The following STOX1 variants were observed in gnomAD, a reference collection of about 807,000 sequenced individuals.
The protein encoded by STOX1 is storkhead box 1.
In STOX1, 57 loss-of-function variants were observed where a neutral mutation model predicts 74.8. That is an observed-to-expected ratio of 0.76 (90% CI 0.62 to 0.95). The LOEUF is 0.95. Ranked by LOEUF, STOX1 falls within the 40% of genes least tolerant of loss-of-function variation. The pLI, the probability that STOX1 is intolerant of heterozygous loss-of-function variation, is 0.00. For missense variants in STOX1, 1,010 were observed against 1,117.0 expected (o/e 0.90, Z 1.37); for synonymous variants, 375 against 401.3 (o/e 0.93, Z 0.78).
intron 1 of STOX1, among the ~76,000 whole-genome samples, chr10:68,852,340 G>C (rs1257613001): frequency 7.2e-6 from 1 of 138,520 alleles, no homozygotes; most frequent in East Asian, 2.4e-4. Flanking sequence ...CTCACTGCAA[G>C]CTCCGCTTCC....
rs768981431 is a variant in STOX1 at position 68,886,365 on chromosome 10, T to A, written c.2569T>A (p.Tyr857Asn). Reference protein sequence around the residue: ...SAPADERIFDYYSARKASFEA... With the variant: ...SAPADERIFDNYSARKASFEA... ...ACCTGCTGATGAAAGAATCTTTGAT[T>A]ACTATAGCGCAAGAAAAGCCAGTTT... is the stretch of plus-strand genomic sequence containing the variant. The change falls in exon 3 of 4, where the codon TAC (tyrosine) becomes AAC (asparagine). Residue 857 changes from tyrosine to asparagine, a missense_variant. Coordinates refer to ENST00000298596, the MANE Select transcript of STOX1 (RefSeq NM_152709.5). 6.2e-7 allele frequency: 1 copy of A among 1,614,140 alleles called. No homozygotes were observed. Among genetic ancestry groups the A allele is most frequent in the South Asian group, 1.1e-5 (1 of 91,082 alleles).
chr10:68,887,713 C>T (rs867618615), intron 3 of STOX1, among the ~76,000 whole-genome samples: 8 of 150,910 alleles, frequency 5.3e-5, no homozygotes, highest in African/African-American at 7.3e-5. Flanking sequence ...CCCACTTTAG[C>T]CTCCCAAGTA....
intron 1 of STOX1, among the ~76,000 whole-genome samples, chr10:68,851,469 C>G (rs1839982175): frequency 6.6e-6 from 1 of 151,942 alleles, no homozygotes; most frequent in Non-Finnish European, 1.5e-5. Flanking sequence ...GATGGATATC[C>G]TAATTACCCT....
intron 1 of STOX1, among the ~76,000 whole-genome samples, chr10:68,858,265 C>T (rs1323708168): frequency 1.3e-5 from 2 of 152,056 alleles, no homozygotes; most frequent in East Asian, 3.9e-4. Flanking sequence ...GACCCTCCCA[C>T]GTAGAGATCA....
chr10:68,834,504 C>T (rs1391280991), intron 1 of STOX1, among the ~76,000 whole-genome samples: 1 of 152,210 alleles, frequency 6.6e-6, no homozygotes, highest in African/African-American at 2.4e-5. Context: ...GGACATCTTA[C>T]AGCACTTCGT....
intron 1 of STOX1, among the ~76,000 whole-genome samples, chr10:68,873,242 T>G (rs1032736087): frequency 5.4e-5 from 8 of 148,368 alleles, no homozygotes; most frequent in African/African-American, 2.0e-4. Flanking sequence ...TAGGGGCCTG[T>G]GCCCAAACAA....
At position 68,888,802 on chromosome 10, in the gene STOX1, A is replaced by ATTTTTTTTTTTT. The variant is rs35174437; in HGVS notation, c.2822+2205_2822+2216dup. 1.2e-4 allele frequency among the ~76,000 whole-genome samples: 4 copies of ATTTTTTTTTTTT among 32,044 alleles called. 1 individual carries two copies. Among genetic ancestry groups the ATTTTTTTTTTTT allele is most frequent in the Non-Finnish European group, 2.1e-4 (4 of 19,384 alleles). 21.0% of individuals were successfully genotyped at this position (32,044 alleles called of 152,430 possible). A position where few individuals can be genotyped will look rare whatever the true frequency, so the allele number is the denominator to read the frequency against. On this transcript the variant is annotated intron_variant, in intron 3 of 3. Transcript: ENST00000298596. ...AGGCATATGTCACTATGCCCAGCTA[A>ATTTTTTTTTTTT]TTTTTTTTTTTTTTTTTTTTTTTTT...
Position 68,885,994 on chromosome 10 carries a change from G to A in STOX1, c.2198G>A (p.Ser733Asn), listed in dbSNP as rs759832653. 4.3e-6 allele frequency: 7 copies of A among 1,614,194 alleles called. No homozygotes were observed. The Admixed American group carries it at 1.2e-4, about 27-fold the overall frequency. Residue 733 changes from serine (S) to asparagine (N), a missense_variant, in exon 3 of 4, where the codon AGT becomes AAT. Physicochemically the swap from Ser to Asn is conservative, Grantham distance 46 (BLOSUM62 1). Coordinates refer to ENST00000298596, the MANE Select transcript of STOX1 (RefSeq NM_152709.5). The stretch of plus-strand genomic sequence containing the variant: ...GTGGAAGATGATGATGGTGCCTGTA[G>A]TTCATTATATCTAGAGGAGGATGAC... ...NEVEDDDGAC[S>N]SLYLEEDDIS...
chr10:68,867,638 T>G (rs1298883364), intron 1 of STOX1, among the ~76,000 whole-genome samples: 1 of 152,220 alleles, frequency 6.6e-6, no homozygotes, highest in Non-Finnish European at 1.5e-5. Flanking sequence ...ATCTGTTCTT[T>G]TATCTCTTCC....
At chr10:68,876,495 T>G (rs1030235437) in intron 1 of STOX1, among the ~76,000 whole-genome samples, 2 of 124,278 alleles carry the variant, frequency 1.6e-5, no homozygotes, top group African/African-American at 5.9e-5. Flanking sequence ...CCTTTCGTAG[T>G]ACAGCAAAGA....
At chr10:68,852,049 G>A (rs1392526134) in intron 1 of STOX1, among the ~76,000 whole-genome samples, 1 of 151,962 alleles carries the variant, frequency 6.6e-6, no homozygotes, top group Non-Finnish European at 1.5e-5. Context: ...TAGCAGAAAC[G>A]CTTGAACCTG....
At chr10:68,835,345 T>A (rs1158450792) in intron 1 of STOX1, among the ~76,000 whole-genome samples, 1 of 151,752 alleles carries the variant, frequency 6.6e-6, no homozygotes, top group Non-Finnish European at 1.5e-5. Context: ...CCCGGCTGGC[T>A]TTATTATTAT....
intron 1 of STOX1, among the ~76,000 whole-genome samples, chr10:68,860,678 G>C (rs1417941293): frequency 6.6e-6 from 1 of 151,568 alleles, no homozygotes; most frequent in Non-Finnish European, 1.5e-5. Context: ...CTCCATACTA[G>C]AGGAAGGCGA....
intron 1 of STOX1, among the ~76,000 whole-genome samples, chr10:68,835,994 C>T (rs1839539886): frequency 6.6e-6 from 1 of 152,164 alleles, no homozygotes; most frequent in Non-Finnish European, 1.5e-5. Context: ...GCCTCAGCCT[C>T]CTAAGTAGCT....
intron 1 of STOX1, among the ~76,000 whole-genome samples, chr10:68,849,928 G>A (rs1490564944): frequency 6.6e-6 from 1 of 152,076 alleles, no homozygotes; most frequent in Non-Finnish European, 1.5e-5. Context: ...CCTTTAAATG[G>A]TAATTGTGGG....
At chr10:68,837,293 GAAGCACATTTTA>G (rs1839580133) in intron 1 of STOX1, among the ~76,000 whole-genome samples, 1 of 152,230 alleles carries the variant, frequency 6.6e-6, no homozygotes, top group Non-Finnish European at 1.5e-5. Context: ...AGCGTAGTGA[GAAGCACATTTTA>G]AGTTGAGAGT....
At chr10:68,829,926 T>C (rs1839362857) in intron 1 of STOX1, among the ~76,000 whole-genome samples, 1 of 152,176 alleles carries the variant, frequency 6.6e-6, no homozygotes, top group Admixed American at 6.6e-5. Context: ...ATCCTCAGTT[T>C]TTCTGGTTTG....
chr10:68,839,653 G>A (rs1839644374), intron 1 of STOX1, among the ~76,000 whole-genome samples: 1 of 152,208 alleles, frequency 6.6e-6, no homozygotes, highest in Non-Finnish European at 1.5e-5. Context: ...ACTTTGGGAG[G>A]CCAAGGCAGG....
chr10:68,848,573 T>G (rs1839908136), intron 1 of STOX1, among the ~76,000 whole-genome samples: 1 of 152,188 alleles, frequency 6.6e-6, no homozygotes, highest in African/African-American at 2.4e-5. Flanking sequence ...AATTTCATAG[T>G]GTGGTTGCAA....
Sources: allele counts gnomAD v4.1 joint callset (sites outside exome capture counted in the v4.1 genomes callset), GRCh38; gene constraint gnomAD v4.1.1; transcripts MANE v1.5; gene names NCBI Gene and HGNC (gene_info 2026-07-23, HGNC 2026-07-21).